Variants in MAST4 observed in about 807,000 individuals in gnomAD.
MAST4 encodes microtubule associated serine/threonine kinase family member 4, also known as microtubule-associated serine/threonine-protein kinase 4.
Under a neutral mutation model 162.7 loss-of-function variants are expected in MAST4, and 89 were observed. The observed-to-expected ratio is 0.55, with a 90% CI of 0.46 to 0.65. The LOEUF (loss-of-function observed/expected upper bound fraction) is 0.65, where lower values mean the gene tolerates loss of function less well. Among genes scored for constraint, MAST4 ranks in the 30% least tolerant of loss-of-function variants. The pLI is 0.00. For synonymous variants in MAST4, 1,479 were observed against 1,361.1 expected (o/e 1.09, Z -1.91); for missense variants, 3,153 against 3,374.0 (o/e 0.93, Z 1.62).
chr5:66,750,690 A>G (rs930000513), intron 1 of MAST4, among the ~76,000 whole-genome samples: 9 of 152,202 alleles, frequency 5.9e-5, no homozygotes, highest in Non-Finnish European at 7.3e-5. Flanking sequence ...GTCTGAGATC[A>G]AACTGCAAGG....
At chr5:66,818,430 TA>T (rs776823661) in intron 3 of MAST4, among the ~76,000 whole-genome samples, 73 of 146,420 alleles carry the variant, frequency 5.0e-4, no homozygotes, top group Middle Eastern at 7.0e-3. Context: ...CCACTAAAAA[TA>T]AAAAAAAAAA....
intron 1 of MAST4, among the ~76,000 whole-genome samples, chr5:66,664,206 C>T (rs1474742353): frequency 6.6e-6 from 1 of 151,960 alleles, no homozygotes; most frequent in Non-Finnish European, 1.5e-5. Context: ...GAGGCCAAGA[C>T]AGGTGAATCA....
At chr5:67,050,953 G>T (rs1171242490) in intron 4 of MAST4, among the ~76,000 whole-genome samples, 1 of 152,176 alleles carries the variant, frequency 6.6e-6, no homozygotes, top group Non-Finnish European at 1.5e-5. Context: ...GAAGTCAAAA[G>T]AATGTATTTG....
At chr5:66,852,781 GT>G (rs1759407839) in intron 3 of MAST4, among the ~76,000 whole-genome samples, 1 of 152,152 alleles carries the variant, frequency 6.6e-6, no homozygotes, top group Non-Finnish European at 1.5e-5. Context: ...AGAGATAGTT[GT>G]CAGTAATCTT....
chr5:67,120,656 GGCCCATTCTT>G (rs1288258932), intron 13 of MAST4, among the ~76,000 whole-genome samples: 1 of 152,126 alleles, frequency 6.6e-6, no homozygotes, highest in African/African-American at 2.4e-5. Flanking sequence ...GAGCCACTCC[GGCCCATTCTT>G]TTTTGGCTGA....
At chr5:66,916,214 T>C (rs937121821) in intron 4 of MAST4, among the ~76,000 whole-genome samples, 1 of 152,248 alleles carries the variant, frequency 6.6e-6, no homozygotes, top group Admixed American at 6.5e-5. Context: ...ATTGTATAAG[T>C]GGCTCTGAAT....
At chr5:66,675,469 G>A (rs1347431948) in intron 1 of MAST4, among the ~76,000 whole-genome samples, 1 of 152,152 alleles carries the variant, frequency 6.6e-6, no homozygotes, top group East Asian at 1.9e-4. Flanking sequence ...TGGTTGTGCT[G>A]AATTTTAGAA....
intron 5 of MAST4, among the ~76,000 whole-genome samples, chr5:67,068,866 A>G (rs1760561610): frequency 6.6e-6 from 1 of 152,138 alleles, no homozygotes; most frequent in Non-Finnish European, 1.5e-5. Context: ...GTCTCATGCA[A>G]CTAAATCATG....
chr5:66,791,438 T>C (rs1209248458), intron 3 of MAST4, among the ~76,000 whole-genome samples: 1 of 152,220 alleles, frequency 6.6e-6, no homozygotes, highest in Admixed American at 6.5e-5. Context: ...TGGGAAGAGG[T>C]TGCAGTAAGA....
chr5:67,093,252 A>G (rs1764062672), intron 6 of MAST4, among the ~76,000 whole-genome samples: 1 of 152,144 alleles, frequency 6.6e-6, no homozygotes, highest in Non-Finnish European at 1.5e-5. Flanking sequence ...TAACACCAAG[A>G]TTCCCACCCA....
At chr5:66,976,873 A>C (rs781034378) in intron 4 of MAST4, among the ~76,000 whole-genome samples, 35 of 152,300 alleles carry the variant, frequency 2.3e-4, no homozygotes, top group Non-Finnish European at 4.9e-4. Context: ...ACCCTTTTTA[A>C]CACTTCTAGT....
intron 4 of MAST4, among the ~76,000 whole-genome samples, chr5:66,992,779 A>G (rs1750197072): frequency 6.6e-6 from 1 of 152,060 alleles, no homozygotes; most frequent in South Asian, 2.1e-4. Flanking sequence ...CAACTTTGTA[A>G]CTCCTCCTAA....
chr5:66,949,269 T>C (rs1744389332), intron 4 of MAST4, among the ~76,000 whole-genome samples: 1 of 152,140 alleles, frequency 6.6e-6, no homozygotes. Flanking sequence ...GATATGGTTT[T>C]GTCCTGTGTC....
At chr5:66,854,837 T>A (rs980508914) in intron 3 of MAST4, among the ~76,000 whole-genome samples, 2 of 152,060 alleles carry the variant, frequency 1.3e-5, no homozygotes, top group African/African-American at 4.8e-5. Flanking sequence ...AGGAAAAAGA[T>A]GTGAGCTGGG....
intron 1 of MAST4, among the ~76,000 whole-genome samples, chr5:66,682,358 T>C (rs777773998): frequency 3.3e-5 from 5 of 152,138 alleles, no homozygotes; most frequent in Non-Finnish European, 5.9e-5. Context: ...CAAAGAACAG[T>C]GTGAGGAATC....
chr5:66,935,909 C>A (rs1742696033), intron 4 of MAST4, among the ~76,000 whole-genome samples: 1 of 152,076 alleles, frequency 6.6e-6, no homozygotes, highest in Admixed American at 6.5e-5. Context: ...CTCAAATAAT[C>A]CATTTACCTC....
At chr5:67,153,721 A>G (rs1772130495) in intron 26 of MAST4, 141 bp downstream of exon 26, 1 of 792,888 alleles carries the variant, frequency 1.3e-6, no homozygotes, top group African/African-American at 1.8e-5. Flanking sequence ...AAAGACAAAG[A>G]TATTATGAAT....
At chr5:66,747,009 A>T (rs1752799499) in intron 1 of MAST4, among the ~76,000 whole-genome samples, 3 of 151,772 alleles carry the variant, frequency 2.0e-5, no homozygotes, top group Admixed American at 1.3e-4. Flanking sequence ...AATCACAGTC[A>T]GTTGCAATTA....
chr5:67,046,524 C>A (rs927116570), intron 4 of MAST4, among the ~76,000 whole-genome samples: 13 of 152,174 alleles, frequency 8.5e-5, no homozygotes, highest in Non-Finnish European at 1.5e-5. Context: ...GAAACAACTT[C>A]ATTTTCTTAT....
Sources: gnomAD v4.1 joint callset for allele counts (sites outside exome capture counted in the v4.1 genomes callset) on GRCh38, gnomAD v4.1.1 for gene constraint, MANE v1.5 for transcripts, NCBI Gene and HGNC (gene_info 2026-07-23, HGNC 2026-07-21) for gene names.